The following RIMBP2 variants were observed in gnomAD, a reference collection of about 807,000 sequenced individuals.
The protein encoded by RIMBP2 is RIMS-binding protein 2.
RIMBP2 carries 48 observed loss-of-function variants against 118.6 expected under a neutral mutation model. The observed-to-expected ratio is 0.40, with a 90% CI of 0.32 to 0.51. The LOEUF (loss-of-function observed/expected upper bound fraction) is 0.51, where lower values mean the gene tolerates loss of function less well. Among genes scored for constraint, RIMBP2 ranks in the 20% least tolerant of loss-of-function variants. The pLI, the probability that RIMBP2 is intolerant of heterozygous loss-of-function variation, is 0.41. For missense variants in RIMBP2, 1,551 were observed against 1,768.3 expected (o/e 0.88, Z 2.20); for synonymous variants, 762 against 742.9 (o/e 1.03, Z -0.42).
rs1240615412 is a variant in RIMBP2 at position 130,578,506 on chromosome 12, T to C, written c.-217+49816A>G. 6.6e-6 allele frequency among the ~76,000 whole-genome samples: 1 copy of C among 152,244 alleles called. No individual in the cohort carries two copies. The highest frequency in any genetic ancestry group is 1.5e-5 in the Non-Finnish European group (1 of 68,046). ...GCATCTTCAGCCATGCACAGACCTG[T>C]TCTCCTGGCCCCAGTCGTACATGCC... On this transcript the variant is annotated intron_variant, in intron 2 of 22. Coordinates refer to ENST00000690449, the MANE Select transcript of RIMBP2 (RefSeq NM_001393629.1). This position sits in a 1 kb window ranked among gnomAD's most constrained non-coding sequence, Gnocchi z 4.1.
At chr12:130,506,905 A>G in intron 3 of RIMBP2, 135 bp from the exon 4 acceptor site, 1 of 624,716 alleles carries the variant, frequency 1.6e-6, no homozygotes, top group Non-Finnish European at 2.0e-6. Context: ...TCCATCATGG[A>G]CTGGGTCCAC....
intron 6 of RIMBP2, 93 bp from the exon 7 acceptor site, chr12:130,456,793 G>A (rs1356081): frequency 0.45 from 407,686 of 912,830 alleles, 92,665 homozygotes; most frequent in Non-Finnish European, 0.47. Context: ...GTGTGCACAT[G>A]TGCACTGTGT....
intron 1 of RIMBP2, among the ~76,000 whole-genome samples, chr12:130,699,825 G>A (rs902019777): frequency 6.9e-5 from 10 of 144,842 alleles, no homozygotes; most frequent in African/African-American, 2.5e-4. Flanking sequence ...AGAATCACTT[G>A]AACTGGGAGG....
At chr12:130,452,510 G>A (rs938485204) in intron 7 of RIMBP2, among the ~76,000 whole-genome samples, 4 of 152,204 alleles carry the variant, frequency 2.6e-5, no homozygotes, top group East Asian at 1.9e-4. Context: ...AATATCGAAC[G>A]ATTCAGCTTC....
Position 130,442,890 on chromosome 12 carries a change from C to T in RIMBP2, c.692-230G>A, listed in dbSNP as rs939444493. Reference sequence around the variant, plus strand: ...GTCTTCTTTTCTCCATGATACTTATCGCAACCTGAAACCATCATGTTTGTG... The same window carrying T: ...GTCTTCTTTTCTCCATGATACTTATTGCAACCTGAAACCATCATGTTTGTG... On this transcript the variant is annotated intron_variant, in intron 10 of 22. Coordinates refer to ENST00000690449, the MANE Select transcript of RIMBP2 (RefSeq NM_001393629.1). The surrounding 1 kb of genome is among the most constrained non-coding windows in gnomAD (Gnocchi z 6.9). Among the ~76,000 whole-genome samples, 12 of 152,186 alleles carry T rather than the reference C, an allele frequency of 7.9e-5. No homozygotes were observed. Among genetic ancestry groups the T allele is most frequent in the Non-Finnish European group, 1.8e-4 (12 of 68,036 alleles).
At position 130,396,588 on chromosome 12, in the gene RIMBP2, T is replaced by C. The variant is rs192782815; in HGVS notation, c.*773A>G. ...TTGCTGTGTATTTGGGTATGGCATTTTGACAACGAAAGTAACAGAAAACCA... is the reference window on the plus strand; with the variant it reads ...TTGCTGTGTATTTGGGTATGGCATTCTGACAACGAAAGTAACAGAAAACCA... On this transcript the variant is annotated 3_prime_UTR_variant, in exon 23 of 23. Transcript: ENST00000690449. The C allele has an allele frequency of 6.5e-6, 1 of 152,792 alleles. No individual in the cohort carries two copies. The highest frequency in any genetic ancestry group is 2.4e-5 in the African/African-American group (1 of 41,584). 9.5% of individuals were successfully genotyped at this position (152,792 alleles called of 1,614,324 possible). A position where few individuals can be genotyped will look rare whatever the true frequency, so the allele number is the denominator to read the frequency against.
intron 1 of RIMBP2, among the ~76,000 whole-genome samples, chr12:130,676,493 T>G (rs4475955): frequency 0.24 from 36,737 of 151,340 alleles, 4,975 homozygotes; most frequent in Non-Finnish European, 0.31. Flanking sequence ...TGTGGTGGTA[T>G]GTGCCTGTAG....
chr12:130,577,912 A>G (rs2058201362), intron 2 of RIMBP2, among the ~76,000 whole-genome samples: 1 of 152,224 alleles, frequency 6.6e-6, no homozygotes, highest in Non-Finnish European at 1.5e-5. Flanking sequence ...TGTGGTATAC[A>G]GGTAACTATA....
intron 2 of RIMBP2, among the ~76,000 whole-genome samples, chr12:130,626,183 G>A (rs2061609560): frequency 6.6e-6 from 1 of 152,232 alleles, no homozygotes; most frequent in Non-Finnish European, 1.5e-5. Flanking sequence ...ATTGGAAAGA[G>A]TTAAGTTTCA....
chr12:130,411,653 G>C (rs548242374), intron 19 of RIMBP2, among the ~76,000 whole-genome samples: 1 of 152,274 alleles, frequency 6.6e-6, no homozygotes, highest in East Asian at 1.9e-4. Context: ...TGCTCTCTTT[G>C]AAAGAGTCTT....
chr12:130,539,499 G>A (rs944151784), intron 2 of RIMBP2, among the ~76,000 whole-genome samples: 7 of 152,234 alleles, frequency 4.6e-5, no homozygotes, highest in African/African-American at 1.7e-4. Flanking sequence ...GTAACGTGGA[G>A]CAAGCTGGGG....
At position 130,704,574 on chromosome 12, in the gene RIMBP2, C is replaced by CAAT. The variant is rs548192716; in HGVS notation, c.-352+11645_-352+11647dup. Among the ~76,000 whole-genome samples, 1,149 of 151,838 alleles carry CAAT rather than the reference C, an allele frequency of 7.6e-3. 14 individuals carry two copies. Among genetic ancestry groups the CAAT allele is most frequent in the African/African-American group, 0.024 (988 of 41,400 alleles). On this transcript the variant is annotated intron_variant, in intron 1 of 22. Transcript: ENST00000690449. ...TGGGCAACAGAGCCAGACTCCATCT[C>CAAT]AATAATAATAATAATAATAAACAAA...
Position 130,617,910 on chromosome 12 carries a change from G to A in RIMBP2, c.-217+10412C>T, listed in dbSNP as rs1261549194. ...GGAGATTCTTAGAAACATCTAACTC[G>A]GCCGGGTGTGGTGGCCCACGCCTGT... On this transcript the variant is annotated intron_variant, in intron 2 of 22. Coordinates refer to ENST00000690449, the MANE Select transcript of RIMBP2 (RefSeq NM_001393629.1). This position sits in a 1 kb window ranked among gnomAD's most constrained non-coding sequence, Gnocchi z 4.6. Among the ~76,000 whole-genome samples, 3 of 151,244 alleles carry A rather than the reference G, an allele frequency of 2.0e-5. No homozygotes were observed. The highest frequency in any genetic ancestry group is 4.9e-5 in the African/African-American group (2 of 41,194).
intron 6 of RIMBP2, chr12:130,466,261 C>T (rs1047119757): frequency 6.6e-6 from 1 of 152,188 alleles, no homozygotes; most frequent in Admixed American, 6.5e-5. Flanking sequence ...GCTGGAATCT[C>T]CCTGCTCTCA....
At chr12:130,440,204 G>A (rs987056343) in intron 11 of RIMBP2, among the ~76,000 whole-genome samples, 5 of 114,832 alleles carry the variant, frequency 4.4e-5, no homozygotes, top group Admixed American at 8.6e-5. Context: ...AACCCTGGCC[G>A]TACCTGCACC....
At chr12:130,662,605 A>G (rs1292626952) in intron 1 of RIMBP2, among the ~76,000 whole-genome samples, 1 of 152,050 alleles carries the variant, frequency 6.6e-6, no homozygotes, top group African/African-American at 2.4e-5. Flanking sequence ...GCAGTGAGCC[A>G]AGATCACACC....
intron 1 of RIMBP2, among the ~76,000 whole-genome samples, chr12:130,664,446 C>CATGCAT (rs71088776): frequency 2.7e-5 from 2 of 73,238 alleles, no homozygotes; most frequent in Non-Finnish European, 7.1e-5. Flanking sequence ...CACGCACACA[C>CATGCAT]GCACACACAT....
rs2292664 is a variant in RIMBP2, at chr12:130,437,119, G to C, written c.1829C>G (p.Pro610Arg). 3.7e-4 allele frequency: 580 copies of C among 1,583,406 alleles called. 9 individuals carry two copies. The East Asian group carries it at 0.012, about 34-fold the overall frequency. Residue 610 changes from proline (P) to arginine (R), a missense_variant, in exon 13 of 23, where the codon CCG becomes CGG. Coordinates refer to ENST00000690449, the MANE Select transcript of RIMBP2 (RefSeq NM_001393629.1). ...PELLVPPTPH[P>R]RPAPQSKPLA... The stretch of plus-strand genomic sequence containing the variant: ...TGGCTTTGATTGGGGTGCAGGTCTC[G>C]GGTGGGGGGTAGGAGGCACCAGGAG...
At chr12:130,713,156 A>C (rs1455508983) in intron 1 of RIMBP2, among the ~76,000 whole-genome samples, 4 of 151,358 alleles carry the variant, frequency 2.6e-5, no homozygotes, top group Non-Finnish European at 5.9e-5. Flanking sequence ...AAAGAAACGG[A>C]ATAAAAGAGT....
Sources: allele counts gnomAD v4.1 joint callset (sites outside exome capture counted in the v4.1 genomes callset), GRCh38; gene constraint gnomAD v4.1.1; non-coding constraint Gnocchi (gnomAD v3.1); transcripts MANE v1.5; gene names NCBI Gene and HGNC (gene_info 2026-07-23, HGNC 2026-07-21).